Variants in ATE1 observed in about 807,000 individuals in gnomAD.
ATE1 encodes arginyl-tRNA--protein transferase 1.
Under a neutral mutation model 70.5 loss-of-function variants are expected in ATE1, and 36 were observed. That is an observed-to-expected ratio of 0.51 (90% confidence interval 0.39 to 0.67). The LOEUF (loss-of-function observed/expected upper bound fraction) is 0.67. Ranked by LOEUF, ATE1 falls within the 30% of genes least tolerant of loss-of-function variation. ATE1 has a pLI of 0.00. For synonymous variants in ATE1, 232 were observed against 219.3 expected (o/e 1.06, Z -0.51); for missense variants, 593 against 629.5 (o/e 0.94, Z 0.62).
intron 8 of ATE1, among the ~76,000 whole-genome samples, chr10:121,859,381 C>T (rs1361696431): frequency 6.6e-6 from 1 of 151,266 alleles, no homozygotes; most frequent in Non-Finnish European, 1.5e-5. Context: ...CTCAGCCTCC[C>T]AAGTAGCTGG....
chr10:121,921,831 G>C (rs547328211), intron 3 of ATE1, among the ~76,000 whole-genome samples: 1 of 152,160 alleles, frequency 6.6e-6, no homozygotes, highest in African/African-American at 2.4e-5. Context: ...TCTTTTAGAC[G>C]TTGAGTCAGC....
chr10:121,919,736 A>G (rs957047391), intron 3 of ATE1, among the ~76,000 whole-genome samples: 7 of 152,134 alleles, frequency 4.6e-5, no homozygotes, highest in African/African-American at 1.7e-4. Context: ...CGTCTCTACT[A>G]AAAACACAAA....
chr10:121,921,241 T>C (rs571224610), intron 3 of ATE1, among the ~76,000 whole-genome samples: 1 of 152,128 alleles, frequency 6.6e-6, no homozygotes, highest in South Asian at 2.1e-4. Flanking sequence ...CCTCCTCTAG[T>C]AGTCTCCAGC....
At chr10:121,801,203 C>T (rs1278291691) in intron 10 of ATE1, among the ~76,000 whole-genome samples, 3 of 152,128 alleles carry the variant, frequency 2.0e-5, no homozygotes, top group African/African-American at 7.2e-5. Context: ...CATATTTTTT[C>T]CACTGACAAA....
At chr10:121,922,750 C>T (rs1318473889) in intron 2 of ATE1, among the ~76,000 whole-genome samples, 1 of 152,184 alleles carries the variant, frequency 6.6e-6, no homozygotes, top group Non-Finnish European at 1.5e-5. Flanking sequence ...CTGTGGGACT[C>T]ATGTATGTGA....
intron 10 of ATE1, among the ~76,000 whole-genome samples, chr10:121,820,340 T>A (rs1947744131): frequency 6.6e-6 from 1 of 152,172 alleles, no homozygotes; most frequent in Non-Finnish European, 1.5e-5. Context: ...AGGAAAAGCA[T>A]TAATAGATTG....
At chr10:121,780,516 C>A (rs555260903) in intron 11 of ATE1, among the ~76,000 whole-genome samples, 1 of 152,352 alleles carries the variant, frequency 6.6e-6, no homozygotes, top group South Asian at 2.1e-4. Flanking sequence ...CCCACTCTTT[C>A]TCCACAACGT....
intron 11 of ATE1, among the ~76,000 whole-genome samples, chr10:121,775,365 T>C (rs1945692153): frequency 6.6e-6 from 1 of 152,156 alleles, no homozygotes; most frequent in East Asian, 1.9e-4. Flanking sequence ...ACCTAATGCA[T>C]GTGGGGCTTA....
intron 3 of ATE1, among the ~76,000 whole-genome samples, chr10:121,918,421 A>G (rs951524767): frequency 1.3e-5 from 2 of 152,216 alleles, no homozygotes; most frequent in African/African-American, 2.4e-5. Flanking sequence ...CAAAAATCAC[A>G]TAACTACTTT....
intron 1 of ATE1, 100 bp from the exon 2 acceptor site, chr10:121,924,429 G>A (rs994526451): frequency 2.6e-5 from 29 of 1,128,056 alleles, no homozygotes; most frequent in Middle Eastern, 2.2e-4. Flanking sequence ...GTCCGGGCAC[G>A]GTGGCTCATG....
At chr10:121,793,809 G>A (rs1209384211) in intron 10 of ATE1, among the ~76,000 whole-genome samples, 1 of 152,074 alleles carries the variant, frequency 6.6e-6, no homozygotes, top group Non-Finnish European at 1.5e-5. Context: ...TACGCCATAT[G>A]AAAATCTGAT....
At chr10:121,752,652 G>A (rs1590210735) in intron 11 of ATE1, among the ~76,000 whole-genome samples, 1 of 152,158 alleles carries the variant, frequency 6.6e-6, no homozygotes, top group Non-Finnish European at 1.5e-5. Flanking sequence ...TTGTTGAAAG[G>A]CTGTATCCTT....
chr10:121,811,752 C>T (rs1181771733), intron 10 of ATE1, among the ~76,000 whole-genome samples: 1 of 152,110 alleles, frequency 6.6e-6, no homozygotes, highest in Middle Eastern at 3.4e-3. Context: ...TAAATTAAGA[C>T]AATAAAACTA....
intron 7 of ATE1, chr10:121,898,955 A>G (rs910375613): frequency 6.2e-7 from 1 of 1,613,734 alleles, no homozygotes; most frequent in Admixed American, 1.7e-5. Flanking sequence ...CAAAGGAGAC[A>G]GGTACTAACC....
intron 8 of ATE1, among the ~76,000 whole-genome samples, chr10:121,866,714 G>A (rs762060417): frequency 6.6e-6 from 1 of 151,958 alleles, no homozygotes; most frequent in Admixed American, 6.6e-5. Flanking sequence ...AGGCATGGTG[G>A]CAGGCACCTG....
chr10:121,840,388 C>T lies in ATE1; in HGVS notation c.1157+694G>A, dbSNP rs371138169. Among the ~76,000 whole-genome samples the T allele has an allele frequency of 1.6e-4, 24 of 152,124 alleles. 1 individual carries two copies. The South Asian group carries it at 5.0e-3, about 32-fold the overall frequency. ...TAGTACAAGCCTGTAATTACAGGTA[C>T]CTGAAAGGCTGAGGAAGGAGGATCA... On this transcript the variant is annotated intron_variant, in intron 9 of 11. Coordinates refer to ENST00000224652, the MANE Select transcript of ATE1 (RefSeq NM_001001976.3).
At chr10:121,842,798 A>T (rs1279087386) in intron 8 of ATE1, among the ~76,000 whole-genome samples, 1 of 152,176 alleles carries the variant, frequency 6.6e-6, no homozygotes, top group East Asian at 1.9e-4. Context: ...GGCAAGACCC[A>T]ACACCTATTC....
intron 10 of ATE1, among the ~76,000 whole-genome samples, chr10:121,794,602 C>T (rs1183575157): frequency 6.2e-4 from 62 of 100,728 alleles, no homozygotes; most frequent in Non-Finnish European, 1.0e-3. Context: ...TGACAAAGAC[C>T]CTGTCTCCAA....
chr10:121,870,545 C>A (rs768231207), intron 7 of ATE1, among the ~76,000 whole-genome samples: 1 of 152,166 alleles, frequency 6.6e-6, no homozygotes, highest in African/African-American at 2.4e-5. Context: ...TTTAGCTCCA[C>A]AATTTGGCAT....
Sources: gnomAD v4.1 joint callset for allele counts (sites outside exome capture counted in the v4.1 genomes callset) on GRCh38, gnomAD v4.1.1 for gene constraint, MANE v1.5 for transcripts, NCBI Gene and HGNC (gene_info 2026-07-23, HGNC 2026-07-21) for gene names.